Variants in RPTOR observed in about 807,000 individuals in gnomAD.
RPTOR encodes the protein regulatory associated protein of MTOR complex 1, also known as regulatory-associated protein of mTOR.
A neutral mutation model predicts 169.9 loss-of-function variants in RPTOR; 21 were observed. The observed-to-expected ratio is 0.12, with a 90% CI of 0.09 to 0.18. RPTOR has a LOEUF of 0.18. Among genes scored for constraint, RPTOR ranks in the 10% least tolerant of loss-of-function variants. The pLI is 1.00. For synonymous variants in RPTOR, 732 were observed against 753.2 expected (o/e 0.97, Z 0.46); for missense variants, 1,133 against 1,855.9 (o/e 0.61, Z 7.16).
At chr17:80,675,798 C>T (rs1237793788) in intron 3 of RPTOR, among the ~76,000 whole-genome samples, 1 of 152,344 alleles carries the variant, frequency 6.6e-6, no homozygotes, top group Non-Finnish European at 1.5e-5. Flanking sequence ...GTCTGCCCCC[C>T]ACCTCCAAGC....
intron 13 of RPTOR, among the ~76,000 whole-genome samples, chr17:80,877,981 G>A (rs1389322949): frequency 2.6e-5 from 4 of 152,240 alleles, no homozygotes; most frequent in Admixed American, 2.0e-4. Context: ...GGGCTTCTGG[G>A]CTGCATAACC....
intron 3 of RPTOR, among the ~76,000 whole-genome samples, chr17:80,649,972 C>T (rs1231933724): frequency 6.6e-6 from 1 of 152,248 alleles, no homozygotes; most frequent in Admixed American, 6.5e-5. Flanking sequence ...TTATGCGAAG[C>T]AGTTTATTCC....
At chr17:80,665,395 T>G (rs1292328382) in intron 3 of RPTOR, among the ~76,000 whole-genome samples, 21 of 6,378 alleles carry the variant, frequency 3.3e-3, no homozygotes, top group South Asian at 0.011. Context: ...TTCCTTTCCT[T>G]TCCTTTCCTT....
chr17:80,876,625 G>A lies in RPTOR; in HGVS notation c.1510-3790G>A, dbSNP rs548836079. ...CCCCTCCGCCCAGGATGTGTGTGTC[G>A]CCTGCTGGGTCTTCACACCGAGCCC... On this transcript the variant is annotated intron_variant, in intron 13 of 33. Transcript: ENST00000306801. Among the ~76,000 whole-genome samples, 599 of 117,214 alleles carry A rather than the reference G, an allele frequency of 5.1e-3. 2 individuals are homozygous for A. Among genetic ancestry groups the A allele is most frequent in the African/African-American group, 0.019 (490 of 26,350 alleles). The allele number at this position is 117,214 out of a possible 152,430, so 76.9% of individuals were successfully genotyped here.
intron 31 of RPTOR, 171 bp downstream of exon 31, chr17:80,961,651 A>G: frequency 1.3e-6 from 1 of 750,022 alleles, no homozygotes; most frequent in Non-Finnish European, 2.1e-6. Context: ...GTAGGGGCCC[A>G]GGGGCCACAG....
chr17:80,854,772 C>T (rs1006252501), intron 11 of RPTOR, among the ~76,000 whole-genome samples: 2 of 152,132 alleles, frequency 1.3e-5, no homozygotes, highest in Admixed American at 1.3e-4. Flanking sequence ...TACATACCTG[C>T]GGTCCTAGCT....
intron 28 of RPTOR, among the ~76,000 whole-genome samples, chr17:80,953,509 A>T (rs1469850592): frequency 6.6e-6 from 1 of 152,236 alleles, no homozygotes; most frequent in African/African-American, 2.4e-5. Context: ...GTGCTTGTGG[A>T]TCTGCCCCAG....
At chr17:80,743,766 C>G (rs12941902) in intron 5 of RPTOR, among the ~76,000 whole-genome samples, 8,740 of 64,564 alleles carry the variant, frequency 0.14, 1,227 homozygotes, top group African/African-American at 0.14. Context: ...TACTAGCACT[C>G]TCCTGGTTAC....
At chr17:80,693,659 T>C (rs879386596) in intron 3 of RPTOR, among the ~76,000 whole-genome samples, 58 of 152,346 alleles carry the variant, frequency 3.8e-4, no homozygotes, top group Non-Finnish European at 1.6e-4. Context: ...TTTCCTACTC[T>C]CAGCATCTGC....
chr17:80,952,291 C>T (rs919503772), intron 28 of RPTOR, among the ~76,000 whole-genome samples: 7 of 152,218 alleles, frequency 4.6e-5, no homozygotes, highest in Admixed American at 3.9e-4. Flanking sequence ...CTCACATGAA[C>T]GGCCAAGGGC....
rs987929684 is a variant in RPTOR, at chr17:80,963,064, G to A, written c.3939+7G>A. ...GGCCTTCCACCCGCACTGGGTCAGT[G>A]TGGCGGTGGGTGGGGGTCGGGGGTC... is the stretch of plus-strand genomic sequence containing the variant. On this transcript the variant is annotated splice_region_variant and intron_variant, in intron 33 of 33. Transcript: ENST00000306801. 1.3e-6 allele frequency: 2 copies of A among 1,550,962 alleles called. No homozygotes were observed. The highest frequency in any genetic ancestry group is 1.4e-5 in the African/African-American group (1 of 73,044).
intron 2 of RPTOR, among the ~76,000 whole-genome samples, chr17:80,631,988 A>C (rs1223358006): frequency 6.6e-6 from 1 of 152,168 alleles, no homozygotes; most frequent in Admixed American, 6.5e-5. Flanking sequence ...CTGAATTGGA[A>C]ATAAATGTTG....
At chr17:80,874,434 A>T (rs2068084360) in intron 13 of RPTOR, among the ~76,000 whole-genome samples, 1 of 152,070 alleles carries the variant, frequency 6.6e-6, no homozygotes, top group Non-Finnish European at 1.5e-5. Context: ...TAACCTCATG[A>T]TCCACCCGCC....
Position 80,643,780 on chromosome 17 carries a change from A to G in RPTOR, c.318A>G (p.Leu106=). The G allele has an allele frequency of 6.2e-7, 1 of 1,613,858 alleles. No homozygotes were observed. The highest frequency in any genetic ancestry group is 8.5e-7 in the Non-Finnish European group (1 of 1,179,888). ...QKALETIGAN[L]QKQYENWQPR... ...CTCTGGAAACCATCGGTGCAAATTT[A>G]CAGAAGCAGTACGAGAACTGGCAGC... Residue 106 remains leucine (L), a synonymous_variant, in exon 3 of 34, where the codon TTA becomes TTG. Transcript: ENST00000306801.
chr17:80,590,181 C>A (rs1294960956), intron 1 of RPTOR, among the ~76,000 whole-genome samples: 2 of 152,254 alleles, frequency 1.3e-5, no homozygotes, highest in Non-Finnish European at 2.9e-5. Flanking sequence ...GTAAAGTAGG[C>A]ATGCAGGTAT....
intron 19 of RPTOR, 62 bp from the exon 20 acceptor site, chr17:80,893,645 A>C: frequency 1.3e-6 from 2 of 1,540,288 alleles, no homozygotes; most frequent in Non-Finnish European, 8.7e-7. Context: ...TCATGCCATT[A>C]ACTGTAAGAC....
chr17:80,940,747 C>T (rs1024141927), intron 25 of RPTOR, 146 bp downstream of exon 25: 4 of 610,854 alleles, frequency 6.5e-6, no homozygotes, highest in African/African-American at 5.6e-5. Context: ...CGCACCCCAC[C>T]TCCCTTGCAG....
intron 1 of RPTOR, among the ~76,000 whole-genome samples, chr17:80,546,581 A>G (rs918532355): frequency 1.3e-5 from 2 of 152,080 alleles, no homozygotes; most frequent in African/African-American, 4.8e-5. Context: ...CTTCTCCTCT[A>G]TGCACACTTA....
chr17:80,858,186 T>A, intron 13 of RPTOR: 1 of 433,866 alleles, frequency 2.3e-6, no homozygotes, highest in Non-Finnish European at 4.3e-6. Flanking sequence ...TGCCCTGCAC[T>A]CAGTCCCCCT....
Sources: allele counts gnomAD v4.1 joint callset (sites outside exome capture counted in the v4.1 genomes callset), GRCh38; gene constraint gnomAD v4.1.1; transcripts MANE v1.5; gene names NCBI Gene and HGNC (gene_info 2026-07-23, HGNC 2026-07-21).